Variants in LYRM9 observed in about 807,000 individuals in gnomAD.
LYRM9 encodes LYR motif-containing protein 9.
Under a neutral mutation model 12.6 loss-of-function variants are expected in LYRM9, and 14 were observed. The ratio of observed to expected loss-of-function variants is 1.11; its 90% CI spans 0.73 to 1.73. LYRM9 has a LOEUF of 1.73. Ranked by LOEUF, LYRM9 falls within the 40% of genes most tolerant of loss-of-function variation. The pLI, the probability that LYRM9 is intolerant of heterozygous loss-of-function variation, is 0.00. For missense variants in LYRM9, 94 were observed against 95.0 expected, an observed-to-expected ratio of 0.99 and a Z score of 0.04; for synonymous variants, 42 against 35.1, an observed-to-expected ratio of 1.20 and a Z score of -0.69.
In LYRM9 at chr17:27,880,157, G is replaced by A. The variant is rs756874884; in HGVS notation, c.219+117C>T. ...TGGAGGAGGGAAGCAGCTGGCTGGTGGCCTCCTCCACAGGGACCATTCTCA... is the reference window on the plus strand; with the variant it reads ...TGGAGGAGGGAAGCAGCTGGCTGGTAGCCTCCTCCACAGGGACCATTCTCA... On this transcript the variant is annotated intron_variant, in intron 3 of 3. Transcript: ENST00000379102. 7 of 789,930 alleles carry A rather than the reference G, an allele frequency of 8.9e-6. No homozygotes were observed. The African/African-American group carries it at 1.0e-4, about 12-fold the overall frequency. The allele number at this position is 789,930 out of a possible 1,614,324, so 48.9% of individuals were successfully genotyped here.
chr17:27,888,117 C>G (rs1158690602), intron 1 of LYRM9, among the ~76,000 whole-genome samples: 1 of 152,232 alleles, frequency 6.6e-6, no homozygotes, highest in Non-Finnish European at 1.5e-5. Flanking sequence ...CAAGTTGACA[C>G]ATAAAATTAA....
intron 1 of LYRM9, among the ~76,000 whole-genome samples, chr17:27,891,288 C>A (rs980664602): frequency 6.6e-6 from 1 of 152,210 alleles, no homozygotes; most frequent in Non-Finnish European, 1.5e-5. Context: ...TGGGATCAGA[C>A]AGTCTGGGTT....
At position 27,879,312 on chromosome 17, in the gene LYRM9, G is replaced by A. The variant is rs1904953987; in HGVS notation, c.*161C>T. 3 of 621,056 alleles carry A rather than the reference G, an allele frequency of 4.8e-6. No homozygotes were observed. The highest frequency in any genetic ancestry group is 7.7e-6 in the Non-Finnish European group (3 of 389,046). 38.5% of individuals were successfully genotyped at this position (621,056 alleles called of 1,614,324 possible). ...AAACATAAAGGATGCTAGCAACATG[G>A]CCGCGGCAAGAGGAGCCTCTGGAGC... is the stretch of plus-strand genomic sequence containing the variant. On this transcript the variant is annotated 3_prime_UTR_variant, in exon 4 of 4. Coordinates refer to ENST00000379102, the MANE Select transcript of LYRM9 (RefSeq NM_001076680.3).
chr17:27,883,843 A>C (rs1262996694), intron 1 of LYRM9, among the ~76,000 whole-genome samples: 1 of 136,162 alleles, frequency 7.3e-6, no homozygotes, highest in African/African-American at 3.1e-5. Flanking sequence ...TCTAAAAAAA[A>C]AAAAAAAAAA....
At chr17:27,881,205 C>T (rs1905040792) in intron 2 of LYRM9, 2 of 146,772 alleles carry the variant, frequency 1.4e-5, no homozygotes, top group Admixed American at 7.0e-5. Context: ...CCATTGCACT[C>T]CAGCCTGGGC....
chr17:27,883,284 G>A lies in LYRM9; in HGVS notation c.-18-572C>T, dbSNP rs927297020. 1.2e-4 allele frequency: 36 copies of A among 288,242 alleles called. 1 individual carries two copies. Among genetic ancestry groups the A allele is most frequent in the Middle Eastern group, 1.3e-3 (1 of 798 alleles). The allele number at this position is 288,242 out of a possible 1,614,324, so 17.9% of individuals were successfully genotyped here. On this transcript the variant is annotated intron_variant, in intron 1 of 3. Coordinates refer to ENST00000379102, the MANE Select transcript of LYRM9 (RefSeq NM_001076680.3). ...GATTTGCAGGCACATTTTAAAGTCT[G>A]AGAAGCATGAATCTAGGGGGCTCTG...
intron 1 of LYRM9, among the ~76,000 whole-genome samples, chr17:27,887,739 TGTGTG>T (rs1905284371): frequency 2.0e-5 from 3 of 151,668 alleles, no homozygotes; most frequent in African/African-American, 7.3e-5. Flanking sequence ...TGTGTGTGTG[TGTGTG>T]TGTGTGTGTG....
At chr17:27,881,154 T>C (rs961469983) in intron 2 of LYRM9, 1 of 149,412 alleles carries the variant, frequency 6.7e-6, no homozygotes, top group Admixed American at 6.7e-5. Context: ...GGAGAATCGC[T>C]TGAACCCAGG....
chr17:27,890,070 T>C (rs1170374854), intron 1 of LYRM9, among the ~76,000 whole-genome samples: 1 of 152,192 alleles, frequency 6.6e-6, no homozygotes, highest in African/African-American at 2.4e-5. Flanking sequence ...AGAGGTTAAG[T>C]AATTTGCCAA....
At chr17:27,882,441 G>A (rs1905090923) in intron 2 of LYRM9, 128 bp downstream of exon 2, 5 of 1,298,870 alleles carry the variant, frequency 3.8e-6, no homozygotes, top group Non-Finnish European at 4.1e-6. Flanking sequence ...GTTTCCTGTG[G>A]CTCTTCCCAC....
Position 27,880,036 on chromosome 17 carries a change from G to T in LYRM9, c.219+238C>A, listed in dbSNP as rs113751409. On this transcript the variant is annotated intron_variant, in intron 3 of 3. Transcript: ENST00000379102. ...CTCTCAGCTCGATCAGCACTGTTGG[G>T]CAGAAATTTGCCTTTAAGGATGAAG... The T allele has an allele frequency of 1.7e-4, 115 of 687,118 alleles. 1 individual carries two copies. The African/African-American group carries it at 1.8e-3, about 11-fold the overall frequency. The allele number at this position is 687,118 out of a possible 1,614,324, so 42.6% of individuals were successfully genotyped here. A position where few individuals can be genotyped will look rare whatever the true frequency, so the allele number is the denominator to read the frequency against.
rs1905239853 is a variant in LYRM9, at chr17:27,886,635, CTTTT to C, written c.-18-3927_-18-3924del. Among the ~76,000 whole-genome samples, 1 of 105,322 alleles carries C rather than the reference CTTTT, an allele frequency of 9.5e-6. No homozygotes were observed. Among genetic ancestry groups the C allele is most frequent in the Middle Eastern group, 5.4e-3 (1 of 184 alleles). The allele number at this position is 105,322 out of a possible 152,430, so 69.1% of individuals were successfully genotyped here. ...CAATCCCCATGCCACTGGTTTCTTT[CTTTT>C]CTTTTCTTTTTTTATTTTTTTTTTT... is the stretch of plus-strand genomic sequence containing the variant. On this transcript the variant is annotated intron_variant, in intron 1 of 3. Coordinates refer to ENST00000379102, the MANE Select transcript of LYRM9 (RefSeq NM_001076680.3). This position sits in a 1 kb window ranked among gnomAD's most constrained non-coding sequence, Gnocchi z 4.8.
intron 1 of LYRM9, among the ~76,000 whole-genome samples, chr17:27,889,612 G>A (rs1245567372): frequency 6.6e-6 from 1 of 152,080 alleles, no homozygotes; most frequent in Non-Finnish European, 1.5e-5. Flanking sequence ...TCCATGAGCT[G>A]TTCTTAAGTC....
intron 1 of LYRM9, among the ~76,000 whole-genome samples, chr17:27,889,939 G>C (rs1383420462): frequency 6.6e-6 from 1 of 152,046 alleles, no homozygotes. Flanking sequence ...CTCCCATCCA[G>C]GGAATGAGTA....
intron 1 of LYRM9, 113 bp from the exon 2 acceptor site, chr17:27,882,825 C>A (rs2142583595): frequency 1.7e-6 from 2 of 1,175,850 alleles, no homozygotes; most frequent in South Asian, 3.1e-5. Flanking sequence ...AGAGGCCCCT[C>A]CTGTCCCATC....
rs1044994738 is a variant in LYRM9 at position 27,886,014 on chromosome 17, A to T, written c.-18-3302T>A. Among the ~76,000 whole-genome samples, 7 of 152,096 alleles carry T rather than the reference A, an allele frequency of 4.6e-5. No individual in the cohort carries two copies. The highest frequency in any genetic ancestry group is 9.7e-5 in the African/African-American group (4 of 41,408). On this transcript the variant is annotated intron_variant, in intron 1 of 3. Transcript: ENST00000379102. The surrounding 1 kb of genome is among the most constrained non-coding windows in gnomAD (Gnocchi z 4.8). ...CTCACCACCCAGAAATCAGAGGGGAACCCGTTCAAGGGTGGCCAAGACCAT... is the reference window on the plus strand; with the variant it reads ...CTCACCACCCAGAAATCAGAGGGGATCCCGTTCAAGGGTGGCCAAGACCAT...
chr17:27,883,305 C>A (rs1049115116), intron 1 of LYRM9: 1 of 259,626 alleles, frequency 3.9e-6, no homozygotes, highest in Non-Finnish European at 7.8e-6. Context: ...ATCTAGGGGG[C>A]TCTGCAGAGA....
intron 1 of LYRM9, among the ~76,000 whole-genome samples, chr17:27,885,522 G>A (rs1597593050): frequency 6.6e-6 from 1 of 152,068 alleles, no homozygotes; most frequent in East Asian, 1.9e-4. Flanking sequence ...ACCAACCTGA[G>A]CAACACAGGG....
intron 1 of LYRM9, among the ~76,000 whole-genome samples, chr17:27,889,361 G>A (rs982526684): frequency 1.3e-5 from 2 of 149,878 alleles, no homozygotes; most frequent in African/African-American, 4.9e-5. Context: ...AGGCTGTAGT[G>A]CAATGGCGCA....
Sources: allele counts gnomAD v4.1 joint callset (sites outside exome capture counted in the v4.1 genomes callset), GRCh38; gene constraint gnomAD v4.1.1; non-coding constraint Gnocchi (gnomAD v3.1); transcripts MANE v1.5; gene names NCBI Gene and HGNC (gene_info 2026-07-23, HGNC 2026-07-21).